Variants in SGCZ observed in about 807,000 individuals in gnomAD.
The protein encoded by SGCZ is zeta-sarcoglycan.
In SGCZ, 40 loss-of-function variants were observed where a neutral mutation model predicts 41.3. The observed-to-expected ratio is 0.97, with a 90% confidence interval of 0.75 to 1.26. The LOEUF is 1.26. Among genes scored for constraint, SGCZ ranks in the 50% most tolerant of loss-of-function variants. SGCZ has a pLI of 0.00. For synonymous variants in SGCZ, 206 were observed against 137.5 expected (o/e 1.50, Z -3.49); for missense variants, 552 against 369.8 (o/e 1.49, Z -4.04).
intron 1 of SGCZ, among the ~76,000 whole-genome samples, chr8:15,064,474 C>A (rs1805050422): frequency 6.7e-6 from 1 of 148,414 alleles, no homozygotes; most frequent in Non-Finnish European, 1.5e-5. Flanking sequence ...GGACTTAGAG[C>A]TTCAACCTTG....
chr8:14,325,783 T>C (rs952896674), intron 2 of SGCZ, among the ~76,000 whole-genome samples: 3 of 91,254 alleles, frequency 3.3e-5, no homozygotes, highest in Non-Finnish European at 6.4e-5. Context: ...TATATATATA[T>C]ATATATATAT....
intron 2 of SGCZ, among the ~76,000 whole-genome samples, chr8:14,487,239 T>C (rs1294979693): frequency 6.6e-6 from 1 of 152,194 alleles, no homozygotes; most frequent in Non-Finnish European, 1.5e-5. Context: ...CCTAATGTAA[T>C]TGTAAACGCT....
intron 4 of SGCZ, among the ~76,000 whole-genome samples, chr8:14,215,965 C>G (rs1034932845): frequency 6.6e-6 from 1 of 152,196 alleles, no homozygotes; most frequent in African/African-American, 2.4e-5. Context: ...GGACCAGGCC[C>G]CTCACAGACC....
chr8:14,918,513 T>C (rs940629659), intron 1 of SGCZ, among the ~76,000 whole-genome samples: 3 of 152,160 alleles, frequency 2.0e-5, no homozygotes, highest in African/African-American at 7.2e-5. Context: ...TCCTACTCAC[T>C]AGAAAAGGGC....
chr8:15,158,733 T>C (rs1799409560), intron 1 of SGCZ, among the ~76,000 whole-genome samples: 2 of 151,844 alleles, frequency 1.3e-5, no homozygotes, highest in Non-Finnish European at 2.9e-5. Flanking sequence ...GGTAAAGGAG[T>C]TTAGGATTTC....
In SGCZ at chr8:15,151,833, A is replaced by G. The variant is rs188053832; in HGVS notation, c.39+85752T>C. ...CAGTAACCCTGTTTTTCAACTCTGT[A>G]ATGATCCATCAATATACTGGCTTTT... On this transcript the variant is annotated intron_variant, in intron 1 of 7. Coordinates refer to ENST00000382080, the MANE Select transcript of SGCZ (RefSeq NM_139167.4). 1.1e-3 allele frequency among the ~76,000 whole-genome samples: 171 copies of G among 152,350 alleles called. 2 individuals are homozygous for G. The highest frequency in any genetic ancestry group is 9.7e-3 in the Admixed American group (149 of 15,306).
At position 15,237,703 on chromosome 8, in the gene SGCZ, A is replaced by T; in HGVS notation, c.-80T>A. On this transcript the variant is annotated 5_prime_UTR_variant, in exon 1 of 8. Transcript: ENST00000382080. Reference sequence around the variant, plus strand: ...TCTAGTCTTTTAGTTTCCAGCTTAAACTCAGCTTTATCCTCCTCCAAGCCC... The same window carrying T: ...TCTAGTCTTTTAGTTTCCAGCTTAATCTCAGCTTTATCCTCCTCCAAGCCC... 1.3e-6 allele frequency: 2 copies of T among 1,495,084 alleles called. No individual in the cohort carries two copies. Among genetic ancestry groups the T allele is most frequent in the East Asian group, 2.5e-5 (1 of 40,406 alleles). 92.6% of individuals were successfully genotyped at this position (1,495,084 alleles called of 1,614,324 possible).
At chr8:15,100,774 G>C (rs1806579389) in intron 1 of SGCZ, among the ~76,000 whole-genome samples, 1 of 152,074 alleles carries the variant, frequency 6.6e-6, no homozygotes, top group Non-Finnish European at 1.5e-5. Flanking sequence ...CTTAACCCCA[G>C]AAATTCAAGT....
At chr8:14,822,291 G>C (rs771417493) in intron 1 of SGCZ, among the ~76,000 whole-genome samples, 71 of 152,104 alleles carry the variant, frequency 4.7e-4, no homozygotes, top group Non-Finnish European at 8.7e-4. Flanking sequence ...GGAGGTGAAA[G>C]ATGTGTACAT....
intron 2 of SGCZ, among the ~76,000 whole-genome samples, chr8:14,458,215 T>C (rs1011401896): frequency 6.6e-6 from 1 of 152,118 alleles, no homozygotes; most frequent in African/African-American, 2.4e-5. Flanking sequence ...AAAAATTAAA[T>C]ACAAATATTT....
rs894180611 is a variant in SGCZ, at chr8:14,303,387, A to G, written c.336+20716T>C. On this transcript the variant is annotated intron_variant, in intron 3 of 7. Coordinates refer to ENST00000382080, the MANE Select transcript of SGCZ (RefSeq NM_139167.4). ...CCAATCCCACAAAAATTAAATATCA[A>G]GATAATAAATTATATATATTACAAA... Among the ~76,000 whole-genome samples the G allele has an allele frequency of 7.2e-5, 11 of 152,162 alleles. No homozygotes were observed. The South Asian group carries it at 8.3e-4, about 11-fold the overall frequency.
intron 2 of SGCZ, among the ~76,000 whole-genome samples, chr8:14,454,222 C>T (rs1331835845): frequency 6.6e-6 from 1 of 152,236 alleles, no homozygotes; most frequent in Middle Eastern, 3.4e-3. Context: ...GTTGATTGGT[C>T]TGCTTTACCA....
At chr8:14,607,515 T>C (rs1053029413) in intron 1 of SGCZ, among the ~76,000 whole-genome samples, 1 of 152,188 alleles carries the variant, frequency 6.6e-6, no homozygotes, top group South Asian at 2.1e-4. Flanking sequence ...TATGTTACAT[T>C]GATTCTTCAT....
At chr8:14,222,672 G>T (rs939856334) in intron 4 of SGCZ, among the ~76,000 whole-genome samples, 1 of 151,674 alleles carries the variant, frequency 6.6e-6, no homozygotes, top group Non-Finnish European at 1.5e-5. Flanking sequence ...TTACTCCATG[G>T]ACAATTTACT....
Position 14,276,055 on chromosome 8 carries a change from C to T in SGCZ, c.337-38376G>A, listed in dbSNP as rs561149197. ...AAGCCATGATGCTTCTCCGCCTGTG[C>T]TAGAGGTGGACCTGCTTCTTCCTTG... is the stretch of plus-strand genomic sequence containing the variant. On this transcript the variant is annotated intron_variant, in intron 3 of 7. Transcript: ENST00000382080. 9.2e-5 allele frequency among the ~76,000 whole-genome samples: 14 copies of T among 152,306 alleles called. No individual in the cohort carries two copies. The South Asian group carries it at 2.9e-3, about 32-fold the overall frequency.
At chr8:14,145,569 A>G (rs1040738355) in intron 5 of SGCZ, among the ~76,000 whole-genome samples, 2 of 152,230 alleles carry the variant, frequency 1.3e-5, no homozygotes, top group Non-Finnish European at 2.9e-5. Context: ...CCAGGAAAAC[A>G]TGACCTCAGT....
At chr8:15,101,237 A>G (rs2131081828) in intron 1 of SGCZ, among the ~76,000 whole-genome samples, 1 of 152,352 alleles carries the variant, frequency 6.6e-6, no homozygotes, top group South Asian at 2.1e-4. Context: ...AAATTTAAAA[A>G]ATTGTTGTAA....
chr8:14,218,097 T>C (rs1487677222), intron 4 of SGCZ, among the ~76,000 whole-genome samples: 1 of 152,176 alleles, frequency 6.6e-6, no homozygotes, highest in Non-Finnish European at 1.5e-5. Flanking sequence ...ACCACTCTAC[T>C]TAACTTTGAA....
intron 4 of SGCZ, among the ~76,000 whole-genome samples, chr8:14,172,213 A>G (rs954478436): frequency 9.9e-5 from 15 of 152,122 alleles, no homozygotes; most frequent in African/African-American, 3.6e-4. Context: ...GTTCATGCCC[A>G]TTTCCAGCAT....
Sources: allele counts gnomAD v4.1 joint callset (sites outside exome capture counted in the v4.1 genomes callset), GRCh38; gene constraint gnomAD v4.1.1; transcripts MANE v1.5; gene names NCBI Gene and HGNC (gene_info 2026-07-23, HGNC 2026-07-21).